PGM1: variants seen among roughly 807,000 people sequenced by gnomAD.
The protein encoded by PGM1 is phosphoglucomutase-1.
In PGM1, 52 loss-of-function variants were observed where a neutral mutation model predicts 55.6. That is an observed-to-expected ratio of 0.94 (90% CI 0.75 to 1.18). The LOEUF is 1.18. PGM1 is among the 50% of genes most tolerant of loss of function. The pLI is 0.00. For missense variants in PGM1, 724 were observed against 729.3 expected (o/e 0.99, Z 0.08); for synonymous variants, 287 against 271.7 (o/e 1.06, Z -0.55).
intron 1 of PGM1, among the ~76,000 whole-genome samples, chr1:63,612,753 C>T (rs1216359062): frequency 6.6e-6 from 1 of 152,182 alleles, no homozygotes; most frequent in Non-Finnish European, 1.5e-5. Flanking sequence ...AATTGTTGCA[C>T]AAGACTTTGT....
chr1:63,616,941 C>G (rs375107132), intron 1 of PGM1, among the ~76,000 whole-genome samples: 34 of 152,226 alleles, frequency 2.2e-4, no homozygotes, highest in African/African-American at 8.0e-4. Context: ...TTTTCAGATT[C>G]AGAGCAGTGC....
At chr1:63,604,917 C>CTGTGTGTGTGTGTG (rs60618789) in intron 1 of PGM1, among the ~76,000 whole-genome samples, 16 of 118,780 alleles carry the variant, frequency 1.3e-4, no homozygotes, top group Non-Finnish European at 2.4e-4. Context: ...TTACATAACT[C>CTGTGTGTGTGTGTG]TGTGTGTGTG....
chr1:63,611,096 G>A (rs1648552343), intron 1 of PGM1, among the ~76,000 whole-genome samples: 1 of 152,134 alleles, frequency 6.6e-6, no homozygotes, highest in Non-Finnish European at 1.5e-5. Flanking sequence ...GTGTATTTGG[G>A]GCATGCAGTA....
At chr1:63,605,787 G>A (rs1407664058) in intron 1 of PGM1, among the ~76,000 whole-genome samples, 1 of 151,796 alleles carries the variant, frequency 6.6e-6, no homozygotes, top group African/African-American at 2.4e-5. Flanking sequence ...GCCCAAGCTG[G>A]TCTCCAGCTT....
intron 8 of PGM1, 114 bp downstream of exon 8, chr1:63,648,766 G>T: frequency 1.8e-6 from 2 of 1,122,432 alleles, no homozygotes; most frequent in Non-Finnish European, 2.7e-6. Flanking sequence ...AGGTCATCCA[G>T]CCTCTCTCAA....
chr1:63,597,756 A>G (rs1021241342), intron 1 of PGM1, among the ~76,000 whole-genome samples: 1 of 152,226 alleles, frequency 6.6e-6, no homozygotes, highest in Non-Finnish European at 1.5e-5. Context: ...GACCAGCATC[A>G]GAAATTGAGG....
intron 1 of PGM1, among the ~76,000 whole-genome samples, chr1:63,601,709 G>A (rs1648248897): frequency 6.6e-6 from 1 of 152,208 alleles, no homozygotes; most frequent in Non-Finnish European, 1.5e-5. Flanking sequence ...ATAGGGAGTT[G>A]TTTGGAAAGG....
At chr1:63,623,313 C>CT (rs1648932169) in intron 1 of PGM1, 1 of 1,473,532 alleles carries the variant, frequency 6.8e-7, no homozygotes, top group East Asian at 2.3e-5. Flanking sequence ...ATTAACCAAG[C>CT]TTTCTCATTG....
intron 1 of PGM1, among the ~76,000 whole-genome samples, chr1:63,620,442 G>T (rs1191520324): frequency 6.6e-6 from 1 of 152,132 alleles, no homozygotes; most frequent in Admixed American, 6.5e-5. Flanking sequence ...TAGTGCTTAT[G>T]CCTGGAAATA....
chr1:63,601,034 A>G (rs1369201611), intron 1 of PGM1, among the ~76,000 whole-genome samples: 6 of 152,186 alleles, frequency 3.9e-5, no homozygotes, highest in Non-Finnish European at 7.3e-5. Context: ...AATGTAAAAG[A>G]CAAATGAGCA....
At chr1:63,615,589 G>T (rs1223937068) in intron 1 of PGM1, among the ~76,000 whole-genome samples, 2 of 96,894 alleles carry the variant, frequency 2.1e-5, no homozygotes, top group Non-Finnish European at 1.8e-5. Context: ...TTGAGACAGA[G>T]CCTTACTCTG....
intron 7 of PGM1, 91 bp downstream of exon 7, chr1:63,638,891 C>T (rs542352585): frequency 7.2e-5 from 65 of 908,780 alleles, no homozygotes; most frequent in East Asian, 5.5e-4. Context: ...GAAATACCAA[C>T]GGTAGCCGAT....
chr1:63,607,826 G>A (rs1648464626), intron 1 of PGM1, among the ~76,000 whole-genome samples: 1 of 152,148 alleles, frequency 6.6e-6, no homozygotes, highest in Admixed American at 6.5e-5. Flanking sequence ...GTCAGTTTAT[G>A]GGTCACCTAG....
At position 63,615,525 on chromosome 1, in the gene PGM1, C is replaced by T. The variant is rs1268454906; in HGVS notation, c.247-13900C>T. Among the ~76,000 whole-genome samples, 4 of 146,666 alleles carry T rather than the reference C, an allele frequency of 2.7e-5. No homozygotes were observed. The South Asian group carries it at 8.8e-4, about 32-fold the overall frequency. On this transcript the variant is annotated intron_variant, in intron 1 of 10. Transcript: ENST00000371084. The stretch of plus-strand genomic sequence containing the variant: ...ATGAGACAGACAGAAAATAACCTCA[C>T]CATTTCTCTCCTCTTCTTCTTCTTC...
At chr1:63,627,615 T>TA (rs1279113849) in intron 1 of PGM1, among the ~76,000 whole-genome samples, 1 of 152,136 alleles carries the variant, frequency 6.6e-6, no homozygotes, top group Admixed American at 6.5e-5. Context: ...CTTTCCTTCT[T>TA]ACTCTTACCC....
At chr1:63,630,782 C>T (rs143831863) in intron 3 of PGM1, among the ~76,000 whole-genome samples, 3 of 152,314 alleles carry the variant, frequency 2.0e-5, no homozygotes, top group Non-Finnish European at 4.4e-5. Flanking sequence ...TGGCAATGAA[C>T]TTGCATTTTG....
intron 1 of PGM1, among the ~76,000 whole-genome samples, chr1:63,613,538 A>G (rs1322761107): frequency 1.3e-5 from 2 of 151,674 alleles, no homozygotes; most frequent in African/African-American, 4.8e-5. Context: ...TTCCCTATGT[A>G]TCTCTTCTGT....
chr1:63,618,329 G>T (rs992416743), intron 1 of PGM1, among the ~76,000 whole-genome samples: 2 of 152,108 alleles, frequency 1.3e-5, no homozygotes, highest in Non-Finnish European at 2.9e-5. Flanking sequence ...AAGTTTTCTG[G>T]AATGTTCCAC....
chr1:63,627,053 A>AACCCC (rs1649037434), intron 1 of PGM1, among the ~76,000 whole-genome samples: 1 of 93,176 alleles, frequency 1.1e-5, no homozygotes, highest in Non-Finnish European at 2.2e-5. Context: ...ATATGGCAGG[A>AACCCC]CCCCCCCCCC....
Sources: allele counts gnomAD v4.1 joint callset (sites outside exome capture counted in the v4.1 genomes callset), GRCh38; gene constraint gnomAD v4.1.1; transcripts MANE v1.5; gene names NCBI Gene and HGNC (gene_info 2026-07-23, HGNC 2026-07-21).